Variants in LUZP2 observed in about 807,000 individuals in gnomAD.
The protein encoded by LUZP2 is leucine zipper protein 2.
Under a neutral mutation model 51.6 loss-of-function variants are expected in LUZP2, and 52 were observed. That is an observed-to-expected ratio of 1.01 (90% CI 0.81 to 1.27). The LOEUF is 1.27. Among genes scored for constraint, LUZP2 ranks in the 50% most tolerant of loss-of-function variants. The pLI, the probability that LUZP2 is intolerant of heterozygous loss-of-function variation, is 0.00. For missense variants in LUZP2, 436 were observed against 395.4 expected, an observed-to-expected ratio of 1.10 and a Z score of -0.87; for synonymous variants, 154 against 137.3, an observed-to-expected ratio of 1.12 and a Z score of -0.85.
At chr11:24,684,617 CAG>C (rs1856843182) in intron 1 of LUZP2, among the ~76,000 whole-genome samples, 1 of 152,238 alleles carries the variant, frequency 6.6e-6, no homozygotes, top group Non-Finnish European at 1.5e-5. Flanking sequence ...CAATCAATAA[CAG>C]ATAGAAATTG....
chr11:24,803,557 A>C (rs1369196830), intron 5 of LUZP2, among the ~76,000 whole-genome samples: 2 of 152,114 alleles, frequency 1.3e-5, no homozygotes, highest in Admixed American at 1.3e-4. Flanking sequence ...TATTCACAGC[A>C]GCTAAAATGG....
Position 24,497,357 on chromosome 11 carries a change from G to T in LUZP2, c.62+52G>T, listed in dbSNP as rs567286737. The T allele has an allele frequency of 2.8e-6, 4 of 1,407,500 alleles. No homozygotes were observed. In the Admixed American group the frequency reaches 7.6e-5, roughly 27 times the overall value. The allele number at this position is 1,407,500 out of a possible 1,614,324, so 87.2% of individuals were successfully genotyped here. On this transcript the variant is annotated intron_variant, in intron 1 of 11. Transcript: ENST00000336930. Reference sequence around the variant, plus strand: ...AGGCCAGGGGCGCTGCCGGGGCGAGGTTGGTCCTACTGTGGGTCACCAGTG... The same window carrying T: ...AGGCCAGGGGCGCTGCCGGGGCGAGTTTGGTCCTACTGTGGGTCACCAGTG...
chr11:25,076,474 A>G (rs1281780507), intron 10 of LUZP2, among the ~76,000 whole-genome samples: 1 of 152,108 alleles, frequency 6.6e-6, no homozygotes, highest in Admixed American at 6.6e-5. Flanking sequence ...AAAACTATGT[A>G]TATGATAAAG....
chr11:24,941,162 A>C (rs1256288092), intron 7 of LUZP2, among the ~76,000 whole-genome samples: 1 of 152,084 alleles, frequency 6.6e-6, no homozygotes. Context: ...TGAAGGTGCT[A>C]TGGCATCTAA....
intron 1 of LUZP2, among the ~76,000 whole-genome samples, chr11:24,524,895 G>A (rs1316702960): frequency 2.0e-5 from 3 of 151,670 alleles, no homozygotes; most frequent in African/African-American, 7.2e-5. Context: ...TGAAATGACA[G>A]AACAGTGGGA....
chr11:24,543,143 AATTAT>A (rs1252976022), intron 1 of LUZP2, among the ~76,000 whole-genome samples: 1 of 151,770 alleles, frequency 6.6e-6, no homozygotes, highest in African/African-American at 2.4e-5. Context: ...TAGGACAGAT[AATTAT>A]ATTAGGTGGT....
intron 7 of LUZP2, among the ~76,000 whole-genome samples, chr11:24,969,214 C>T (rs1381214959): frequency 6.6e-6 from 1 of 152,056 alleles, no homozygotes; most frequent in African/African-American, 2.4e-5. Flanking sequence ...CTTTGTGTTC[C>T]TATGTTCTTA....
intron 5 of LUZP2, among the ~76,000 whole-genome samples, chr11:24,877,339 A>G (rs1852303680): frequency 1.3e-5 from 2 of 152,174 alleles, no homozygotes. Context: ...ACTCTCTGAT[A>G]TAGATCTTAC....
chr11:24,544,293 T>C (rs1286693743), intron 1 of LUZP2, among the ~76,000 whole-genome samples: 1 of 152,016 alleles, frequency 6.6e-6, no homozygotes, highest in Non-Finnish European at 1.5e-5. Flanking sequence ...AAAATAAACC[T>C]TTTATGCTAA....
At chr11:24,741,032 G>A (rs1859119061) in intron 4 of LUZP2, among the ~76,000 whole-genome samples, 2 of 152,116 alleles carry the variant, frequency 1.3e-5, no homozygotes, top group African/African-American at 4.8e-5. Flanking sequence ...AATTATCAGC[G>A]ATGACAGAAT....
intron 9 of LUZP2, among the ~76,000 whole-genome samples, chr11:25,025,068 G>A (rs1379322241): frequency 6.6e-6 from 1 of 152,126 alleles, no homozygotes; most frequent in Non-Finnish European, 1.5e-5. Flanking sequence ...TTTAATAAAT[G>A]ATGCTGGGTA....
intron 5 of LUZP2, among the ~76,000 whole-genome samples, chr11:24,782,080 T>G (rs1457306196): frequency 6.6e-6 from 1 of 152,088 alleles, no homozygotes; most frequent in African/African-American, 2.4e-5. Context: ...TATGTAGATT[T>G]CTAATAGCTG....
chr11:25,016,994 T>C (rs1164653880), intron 9 of LUZP2, among the ~76,000 whole-genome samples: 1 of 152,138 alleles, frequency 6.6e-6, no homozygotes, highest in Non-Finnish European at 1.5e-5. Context: ...TATCTCATTG[T>C]GGTTTTAATT....
chr11:24,768,847 CA>C (rs987877107), intron 5 of LUZP2, among the ~76,000 whole-genome samples: 5 of 152,044 alleles, frequency 3.3e-5, no homozygotes, highest in African/African-American at 1.2e-4. Flanking sequence ...GAAAGTTTCT[CA>C]AAAACTAAAA....
chr11:24,989,886 C>A (rs1856287677), intron 9 of LUZP2, among the ~76,000 whole-genome samples: 1 of 152,036 alleles, frequency 6.6e-6, no homozygotes, highest in Admixed American at 6.6e-5. Flanking sequence ...TTTTTCTATA[C>A]TAGTATTGCT....
At chr11:25,070,336 C>T (rs1042748349) in intron 10 of LUZP2, among the ~76,000 whole-genome samples, 3 of 151,750 alleles carry the variant, frequency 2.0e-5, no homozygotes, top group African/African-American at 4.8e-5. Context: ...AATGTGGAGC[C>T]AGTAAATAGA....
chr11:24,933,631 A>G (rs1854515205), intron 7 of LUZP2, among the ~76,000 whole-genome samples: 1 of 152,176 alleles, frequency 6.6e-6, no homozygotes, highest in African/African-American at 2.4e-5. Context: ...ATTTGTTCAT[A>G]ATGATTATAG....
At chr11:24,884,142 CTA>C (rs1852587599) in intron 5 of LUZP2, among the ~76,000 whole-genome samples, 11 of 151,966 alleles carry the variant, frequency 7.2e-5, no homozygotes, top group Non-Finnish European at 1.6e-4. Flanking sequence ...AGTTGGAACT[CTA>C]AGGAAAAAGC....
intron 1 of LUZP2, among the ~76,000 whole-genome samples, chr11:24,658,711 C>T (rs1329492436): frequency 6.6e-6 from 1 of 152,102 alleles, no homozygotes; most frequent in East Asian, 1.9e-4. Context: ...CTACAATGAA[C>T]TCAAACAAAT....
Sources: allele counts gnomAD v4.1 joint callset (sites outside exome capture counted in the v4.1 genomes callset), GRCh38; gene constraint gnomAD v4.1.1; transcripts MANE v1.5; gene names NCBI Gene and HGNC (gene_info 2026-07-23, HGNC 2026-07-21).